The following EHD2 variants were observed in gnomAD, a reference collection of about 807,000 sequenced individuals.
EHD2 encodes EH domain containing 2.
A neutral mutation model predicts 41.0 loss-of-function variants in EHD2; 27 were observed. That is an observed-to-expected ratio of 0.66 (90% CI 0.49 to 0.91). The LOEUF is 0.91. Among genes scored for constraint, EHD2 ranks in the 40% least tolerant of loss-of-function variants. The probability of loss-of-function intolerance (pLI) is 0.00; values close to 1 mark genes in which losing one functional copy is unlikely to be tolerated. For missense variants in EHD2, 673 were observed against 773.9 expected, an observed-to-expected ratio of 0.87 and a Z score of 1.55; for synonymous variants, 342 against 341.0, an observed-to-expected ratio of 1.00 and a Z score of -0.03.
At position 47,726,141 on chromosome 19, in the gene EHD2, C is replaced by A. The variant is rs755011408; in HGVS notation, c.832C>A (p.Leu278Ile). 16 of 1,582,324 alleles carry A rather than the reference C, an allele frequency of 1.0e-5. No homozygotes were observed. The highest frequency in any genetic ancestry group is 1.1e-5 in the Non-Finnish European group (13 of 1,165,308). Residue 278 changes from leucine to isoleucine, a missense_variant, in exon 4 of 6, where the codon CTC (leucine) becomes ATC (isoleucine). Transcript: ENST00000263277. ...RRLFELEEQD[L>I]FRDIQGLPRH... is the part of the protein sequence containing the mutation. ...CCTCTTCGAGCTGGAGGAGCAGGAC[C>A]TCTTCCGCGACATCCAGGGCCTGCC...
chr19:47,716,781 G>C lies in EHD2; in HGVS notation c.169G>C (p.Gly57Arg), dbSNP rs34140460. Residue 57 changes from glycine (G) to arginine (R), a missense_variant, in exon 2 of 6, where the codon GGC (glycine) becomes CGC (arginine). Gly to Arg is a moderately radical substitution (Grantham distance 125, BLOSUM62 -2). Coordinates refer to ENST00000263277, the MANE Select transcript of EHD2 (RefSeq NM_014601.4). ...SPALEDADFD[G>R]KPMVLVAGQY... ...GGCCCTGGAGGACGCAGACTTCGACGGCAAGCCCATGGTGCTGGTGGCCGG... is the reference window on the plus strand; with the variant it reads ...GGCCCTGGAGGACGCAGACTTCGACCGCAAGCCCATGGTGCTGGTGGCCGG... The C allele has an allele frequency of 3.7e-6, 6 of 1,612,132 alleles. No individual in the cohort carries two copies. Among genetic ancestry groups the C allele is most frequent in the Non-Finnish European group, 1.7e-6 (2 of 1,179,162 alleles).
Position 47,741,583 on chromosome 19 carries a change from G to A in EHD2, c.*151G>A. 1.1e-6 allele frequency: 1 copy of A among 912,978 alleles called. No individual in the cohort carries two copies. The highest frequency in any genetic ancestry group is 1.6e-6 in the Non-Finnish European group (1 of 618,294). The allele number at this position is 912,978 out of a possible 1,614,324, so 56.6% of individuals were successfully genotyped here. A position where few individuals can be genotyped will look rare whatever the true frequency, so the allele number is the denominator to read the frequency against. On this transcript the variant is annotated 3_prime_UTR_variant, in exon 6 of 6. Coordinates refer to ENST00000263277, the MANE Select transcript of EHD2 (RefSeq NM_014601.4). The surrounding 1 kb of genome is among the most constrained non-coding windows in gnomAD (Gnocchi z 4.5). ...CTCCTCACTACCGCCAGACACCCCG[G>A]TGGAAGCATTTAGAGGGGACCACGG... is the stretch of plus-strand genomic sequence containing the variant.
intron 1 of EHD2, among the ~76,000 whole-genome samples, chr19:47,715,427 C>T (rs916799389): frequency 3.9e-5 from 6 of 152,094 alleles, no homozygotes; most frequent in African/African-American, 1.4e-4. Context: ...AAAAGTCAAC[C>T]CTGCCCTGAG....
intron 4 of EHD2, chr19:47,731,275 A>ATATAT (rs1294935668): frequency 1.2e-4 from 3 of 25,168 alleles, no homozygotes; most frequent in African/African-American, 3.2e-4. Flanking sequence ...TTTAAAAAAA[A>ATATAT]AAAAATATAT....
intron 4 of EHD2, among the ~76,000 whole-genome samples, chr19:47,730,867 T>G (rs1973800303): frequency 6.6e-6 from 1 of 152,154 alleles, no homozygotes; most frequent in Non-Finnish European, 1.5e-5. Flanking sequence ...CGATCGCATG[T>G]GGTACTCCTC....
intron 4 of EHD2, among the ~76,000 whole-genome samples, chr19:47,735,561 G>A (rs1485200006): frequency 6.6e-6 from 1 of 151,728 alleles, no homozygotes. Flanking sequence ...TCGCACCACT[G>A]CACTCCTGGC....
In EHD2 at chr19:47,716,852, G is replaced by A. The variant is rs776201750; in HGVS notation, c.240G>A (p.Glu80=). The change falls in exon 2 of 6, where the codon GAG becomes GAA. Residue 80 remains glutamate, a synonymous_variant. Coordinates refer to ENST00000263277, the MANE Select transcript of EHD2 (RefSeq NM_014601.4). The stretch of plus-strand genomic sequence containing the variant: ...CCAGCTTCATCCAGTACCTGCTGGA[G>A]CAGGAGGTGCCCGGCTCCCGCGTGG... ...GKTSFIQYLL[E]QEVPGSRVGP... is the part of the protein sequence containing the mutation. 2.2e-5 allele frequency: 35 copies of A among 1,610,580 alleles called. No homozygotes were observed. Among genetic ancestry groups the A allele is most frequent in the Admixed American group, 1.7e-4 (10 of 59,712 alleles).
intron 3 of EHD2, among the ~76,000 whole-genome samples, 167 bp from the exon 4 acceptor site, chr19:47,725,645 G>A (rs1973742970): frequency 6.6e-6 from 1 of 152,220 alleles, no homozygotes; most frequent in Admixed American, 6.5e-5. Context: ...GAGCAGTAGT[G>A]CCCACTGAGG....
At position 47,742,183 on chromosome 19, in the gene EHD2, A is replaced by G. The variant is rs561217435; in HGVS notation, c.*751A>G. On this transcript the variant is annotated 3_prime_UTR_variant, in exon 6 of 6. Transcript: ENST00000263277. ...TTCCTTCTTTTTTGTTTTTGCCCCC[A>G]ATTCTGCCCATACCCATTTCTTTCT... The G allele has an allele frequency of 6.1e-5, 20 of 328,880 alleles. No homozygotes were observed. The highest frequency in any genetic ancestry group is 4.4e-4 in the African/African-American group (19 of 43,662). 20.4% of individuals were successfully genotyped at this position (328,880 alleles called of 1,614,324 possible).
At chr19:47,728,483 T>C (rs1349951244) in intron 4 of EHD2, among the ~76,000 whole-genome samples, 1 of 152,046 alleles carries the variant, frequency 6.6e-6, no homozygotes, top group Non-Finnish European at 1.5e-5. Flanking sequence ...TGTCCTTTCC[T>C]TTCCTTTCTT....
chr19:47,738,784 T>G (rs1256368991), intron 5 of EHD2, among the ~76,000 whole-genome samples: 2 of 152,168 alleles, frequency 1.3e-5, no homozygotes, highest in Non-Finnish European at 2.9e-5. Flanking sequence ...AGAGTCGTGA[T>G]CAGCTGGCCT....
chr19:47,740,436 C>A (rs1264891771), intron 5 of EHD2, among the ~76,000 whole-genome samples: 1 of 148,200 alleles, frequency 6.7e-6, no homozygotes, highest in African/African-American at 2.5e-5. Flanking sequence ...GAGACCCTGT[C>A]AAAAAAAAAC....
chr19:47,725,948 G>T lies in EHD2; in HGVS notation c.639G>T (p.Lys213Asn). 6.2e-7 allele frequency: 1 copy of T among 1,613,784 alleles called. No individual in the cohort carries two copies. Among genetic ancestry groups the T allele is most frequent in the Non-Finnish European group, 8.5e-7 (1 of 1,179,730 alleles). Residue 213 changes from lysine (K) to asparagine (N), a missense_variant, in exon 4 of 6, where the codon AAG becomes AAT. Lys to Asn is a moderately conservative substitution (Grantham distance 94). Transcript: ENST00000263277. ...AIGALRGHED[K>N]IRVVLNKADM... ...GCGCGTTGCGGGGCCATGAGGACAA[G>T]ATCCGCGTGGTGCTCAACAAGGCCG...
chr19:47,715,416 C>G (rs1020886690), intron 1 of EHD2, among the ~76,000 whole-genome samples: 1 of 152,054 alleles, frequency 6.6e-6, no homozygotes, highest in Non-Finnish European at 1.5e-5. Flanking sequence ...TGGAGCAGCT[C>G]AAAAGTCAAC....
intron 2 of EHD2, 79 bp from the exon 3 acceptor site, chr19:47,718,430 A>T: frequency 7.8e-7 from 1 of 1,278,126 alleles, no homozygotes; most frequent in Non-Finnish European, 1.1e-6. Context: ...TGCGGTCCCG[A>T]GTCCCTCTTC....
At chr19:47,739,950 G>A (rs1436500690) in intron 5 of EHD2, among the ~76,000 whole-genome samples, 1 of 152,164 alleles carries the variant, frequency 6.6e-6, no homozygotes, top group Non-Finnish European at 1.5e-5. Context: ...CCACCCTCCA[G>A]TAATTCTGGG....
At chr19:47,714,560 G>A (rs1973606036) in intron 1 of EHD2, among the ~76,000 whole-genome samples, 2 of 152,180 alleles carry the variant, frequency 1.3e-5, no homozygotes, top group Non-Finnish European at 2.9e-5. Context: ...GGGTGCTGGA[G>A]GTGCTCATTG....
intron 3 of EHD2, among the ~76,000 whole-genome samples, 175 bp from the exon 4 acceptor site, chr19:47,725,637 G>C (rs1973742913): frequency 6.6e-6 from 1 of 152,224 alleles, no homozygotes; most frequent in South Asian, 2.1e-4. Context: ...GAGAGCCAGA[G>C]CAGTAGTGCC....
At chr19:47,731,080 GT>G (rs1973802223) in intron 4 of EHD2, among the ~76,000 whole-genome samples, 1 of 151,064 alleles carries the variant, frequency 6.6e-6, no homozygotes, top group Admixed American at 6.7e-5. Flanking sequence ...TGGCGATCGG[GT>G]GGAAGAGCAG....
Sources: allele counts gnomAD v4.1 joint callset (sites outside exome capture counted in the v4.1 genomes callset), GRCh38; gene constraint gnomAD v4.1.1; non-coding constraint Gnocchi (gnomAD v3.1); transcripts MANE v1.5; gene names NCBI Gene and HGNC (gene_info 2026-07-23, HGNC 2026-07-21).